SCARA5: variants seen among roughly 807,000 people sequenced by gnomAD.
The protein encoded by SCARA5 is scavenger receptor class A, member 5 (putative).
A neutral mutation model predicts 46.3 loss-of-function variants in SCARA5; 45 were observed. That is an observed-to-expected ratio of 0.97 (90% CI 0.76 to 1.24). The LOEUF (loss-of-function observed/expected upper bound fraction) is 1.24. SCARA5 is among the 50% of genes most tolerant of loss of function. The probability of loss-of-function intolerance (pLI) is 0.00; values close to 1 mark genes in which losing one functional copy is unlikely to be tolerated. For missense variants in SCARA5, 680 were observed against 689.0 expected, an observed-to-expected ratio of 0.99 and a Z score of 0.15; for synonymous variants, 333 against 306.5, an observed-to-expected ratio of 1.09 and a Z score of -0.90.
chr8:27,920,059 G>A (rs77548684), intron 4 of SCARA5, among the ~76,000 whole-genome samples: 4,016 of 151,922 alleles, frequency 0.026, 173 homozygotes, highest in African/African-American at 0.091. Flanking sequence ...GAAGGAATTG[G>A]GGGAGGGAAG....
intron 2 of SCARA5, among the ~76,000 whole-genome samples, chr8:27,969,760 C>A (rs1169118449): frequency 6.6e-6 from 1 of 151,970 alleles, no homozygotes; most frequent in Non-Finnish European, 1.5e-5. Context: ...GGGTGGCAGG[C>A]GGGGTATATG....
At chr8:27,974,796 C>T (rs1808498596) in intron 2 of SCARA5, among the ~76,000 whole-genome samples, 2 of 152,184 alleles carry the variant, frequency 1.3e-5, no homozygotes, top group South Asian at 2.1e-4. Context: ...CCGAGAGCCA[C>T]CCACCTGAGT....
chr8:27,872,134 G>T (rs1585454321), intron 8 of SCARA5, 64 bp from the exon 9 acceptor site: 14 of 1,567,580 alleles, frequency 8.9e-6, no homozygotes, highest in African/African-American at 1.3e-5. Context: ...AGAAGAGAGA[G>T]CATAACTGTG....
At chr8:27,944,452 G>A (rs747972739) in intron 3 of SCARA5, among the ~76,000 whole-genome samples, 1 of 152,114 alleles carries the variant, frequency 6.6e-6, no homozygotes, top group African/African-American at 2.4e-5. Context: ...AACGTGGGGC[G>A]AGAAGAGAGA....
chr8:27,955,859 T>G (rs1437719576), intron 3 of SCARA5, among the ~76,000 whole-genome samples: 1 of 152,180 alleles, frequency 6.6e-6, no homozygotes, highest in Non-Finnish European at 1.5e-5. Flanking sequence ...GTCAGGGTGC[T>G]GGGAGCTCCT....
In SCARA5 at chr8:27,870,477, C is replaced by T. The variant is rs997925940; in HGVS notation, c.*1457G>A. 5 of 152,336 alleles carry T rather than the reference C, an allele frequency of 3.3e-5. No individual in the cohort carries two copies. Among genetic ancestry groups the T allele is most frequent in the Admixed American group, 6.6e-5 (1 of 15,256 alleles). 9.4% of individuals were successfully genotyped at this position (152,336 alleles called of 1,614,324 possible). A position where few individuals can be genotyped will look rare whatever the true frequency, so the allele number is the denominator to read the frequency against. ...TTGTCAGCCAGGAGTGTTGCTGTTC[C>T]TACACCTGGAGGGGCCCAGGTCTCT... is the stretch of plus-strand genomic sequence containing the variant. On this transcript the variant is annotated 3_prime_UTR_variant, in exon 9 of 9. Coordinates refer to ENST00000354914, the MANE Select transcript of SCARA5 (RefSeq NM_173833.6).
chr8:27,936,821 T>C (rs959778135), intron 3 of SCARA5, among the ~76,000 whole-genome samples: 1 of 152,102 alleles, frequency 6.6e-6, no homozygotes, highest in East Asian at 1.9e-4. Context: ...AACCCACCAA[T>C]GTATTTATTA....
chr8:27,921,458 C>T, intron 4 of SCARA5, 113 bp downstream of exon 4: 1 of 869,834 alleles, frequency 1.1e-6, no homozygotes. Flanking sequence ...ATGGCAAGTG[C>T]ACTTGGGGAT....
At chr8:27,906,298 A>G (rs1430602604) in intron 6 of SCARA5, among the ~76,000 whole-genome samples, 3 of 152,238 alleles carry the variant, frequency 2.0e-5, no homozygotes, top group Non-Finnish European at 4.4e-5. Context: ...CGAGGCTTAG[A>G]CAATCTTGAA....
In SCARA5 at chr8:27,905,523, T is replaced by TGGCGGGGTG. The variant is rs751627046; in HGVS notation, c.1097-690_1097-689insCACCCCGCC. On this transcript the variant is annotated intron_variant, in intron 6 of 8. Transcript: ENST00000354914. The stretch of plus-strand genomic sequence containing the variant: ...AGAATGCCCAGGATGATCCAAGATT[T>TGGCGGGGTG]GGGGGGGGGAAAAAAAAAAGGCAGC... Among the ~76,000 whole-genome samples the TGGCGGGGTG allele has an allele frequency of 4.8e-4, 26 of 53,690 alleles. 2 individuals carry two copies. The highest frequency in any genetic ancestry group is 6.3e-4 in the South Asian group (1 of 1,594). The allele number at this position is 53,690 out of a possible 152,430, so 35.2% of individuals were successfully genotyped here.
At chr8:27,981,883 C>T (rs952224293) in intron 2 of SCARA5, among the ~76,000 whole-genome samples, 11 of 152,342 alleles carry the variant, frequency 7.2e-5, no homozygotes, top group Middle Eastern at 3.4e-3. Flanking sequence ...AACCTGTAAA[C>T]GGCGGTGACT....
Position 27,879,670 on chromosome 8 carries a change from A to G in SCARA5, c.1250T>C (p.Val417Ala). The change falls in exon 8 of 9, where the codon GTG becomes GCG. Residue 417 changes from valine to alanine, a missense_variant. Transcript: ENST00000354914. ...EVYHDRRWGT[V>A]CDDGWDKKDG... ...CTTCTTGTCCCAGCCGTCGTCACAC[A>G]CGGTGCCCCAACGCCGGTCGTGGTA... The G allele has an allele frequency of 6.2e-7, 1 of 1,613,046 alleles. No individual in the cohort carries two copies. The highest frequency in any genetic ancestry group is 8.5e-7 in the Non-Finnish European group (1 of 1,180,000).
In SCARA5 at chr8:27,936,592, T is replaced by TAAA. The variant is rs71222526; in HGVS notation, c.242-14350_242-14348dup. Among the ~76,000 whole-genome samples the TAAA allele has an allele frequency of 9.3e-3, 291 of 31,316 alleles. 22 individuals are homozygous for TAAA. The highest frequency in any genetic ancestry group is 0.019 in the African/African-American group (177 of 9,374). The allele number at this position is 31,316 out of a possible 152,430, so 20.5% of individuals were successfully genotyped here. ...TGAGAGAGAAAGACTGTGTCTCCAT[T>TAAA]AAAAAAAAAAAAAAAAAAAGGTGGG... On this transcript the variant is annotated intron_variant, in intron 3 of 8. Transcript: ENST00000354914.
At chr8:27,927,099 G>GA (rs955699326) in intron 3 of SCARA5, among the ~76,000 whole-genome samples, 1 of 152,174 alleles carries the variant, frequency 6.6e-6, no homozygotes, top group African/African-American at 2.4e-5. Context: ...CCAAGACCCT[G>GA]AAGTGGACAA....
At chr8:27,945,379 G>A (rs139808523) in intron 3 of SCARA5, among the ~76,000 whole-genome samples, 1 of 152,266 alleles carries the variant, frequency 6.6e-6, no homozygotes, top group East Asian at 1.9e-4. Flanking sequence ...TCAAGCCGTG[G>A]CTTCCCCATT....
At chr8:27,979,415 G>T (rs1808580548) in intron 2 of SCARA5, among the ~76,000 whole-genome samples, 1 of 152,218 alleles carries the variant, frequency 6.6e-6, no homozygotes, top group African/African-American at 2.4e-5. Flanking sequence ...CCTTGCAAAA[G>T]CGTATGAGCC....
intron 4 of SCARA5, among the ~76,000 whole-genome samples, chr8:27,916,924 C>T (rs992521986): frequency 3.9e-5 from 6 of 152,100 alleles, no homozygotes; most frequent in Non-Finnish European, 8.8e-5. Context: ...AGTGATGAGT[C>T]AGGAGGGTGA....
intron 2 of SCARA5, among the ~76,000 whole-genome samples, chr8:27,970,639 C>T (rs1216398861): frequency 1.3e-5 from 2 of 152,204 alleles, no homozygotes; most frequent in Non-Finnish European, 2.9e-5. Context: ...GGGAGCAGCA[C>T]CTCTGCTACT....
chr8:27,901,163 C>T (rs890917075), intron 7 of SCARA5, among the ~76,000 whole-genome samples: 5 of 152,174 alleles, frequency 3.3e-5, no homozygotes, highest in African/African-American at 1.2e-4. Context: ...CTGTGGCATG[C>T]CCTCCTCCAG....
Sources: gnomAD v4.1 joint callset for allele counts (sites outside exome capture counted in the v4.1 genomes callset) on GRCh38, gnomAD v4.1.1 for gene constraint, MANE v1.5 for transcripts, NCBI Gene and HGNC (gene_info 2026-07-23, HGNC 2026-07-21) for gene names.